The following ASTN2 variants were observed in gnomAD, a reference collection of about 807,000 sequenced individuals.
ASTN2 encodes astrotactin 2.
A neutral mutation model predicts 139.8 loss-of-function variants in ASTN2; 54 were observed. That is an observed-to-expected ratio of 0.39 (90% CI 0.31 to 0.48). The LOEUF is 0.48. Ranked by LOEUF, ASTN2 falls within the 20% of genes least tolerant of loss-of-function variation. The pLI is 0.95. For synonymous variants in ASTN2, 756 were observed against 719.5 expected (o/e 1.05, Z -0.81); for missense variants, 1,565 against 1,725.1 (o/e 0.91, Z 1.64).
chr9:116,857,182 T>G (rs1362723811), intron 11 of ASTN2, among the ~76,000 whole-genome samples: 2 of 152,226 alleles, frequency 1.3e-5, no homozygotes, highest in African/African-American at 4.8e-5. Flanking sequence ...TATGGATAGT[T>G]GCTTTTATAT....
intron 3 of ASTN2, chr9:117,181,200 G>C: frequency 1.6e-6 from 1 of 637,742 alleles, no homozygotes; most frequent in Non-Finnish European, 2.8e-6. Context: ...ATTGGCTGCA[G>C]ATGATCTGGA....
intron 2 of ASTN2, among the ~76,000 whole-genome samples, chr9:117,225,596 G>C (rs78484794): frequency 0.11 from 12,389 of 117,048 alleles, 1,238 homozygotes; most frequent in African/African-American, 0.24. Flanking sequence ...CAAGTGGCCA[G>C]AGAGGAGCTT....
intron 16 of ASTN2, among the ~76,000 whole-genome samples, chr9:116,705,918 C>G (rs1170826989): frequency 6.6e-6 from 1 of 152,036 alleles, no homozygotes; most frequent in African/African-American, 2.4e-5. Context: ...AAAACCACCC[C>G]AGAATGAGGG....
intron 11 of ASTN2, 63 bp downstream of exon 11, chr9:116,863,520 G>A (rs1832945855): frequency 6.3e-7 from 1 of 1,581,020 alleles, no homozygotes; most frequent in Non-Finnish European, 8.6e-7. Flanking sequence ...GCAGGGCAGG[G>A]CTTCTAGCAG....
In ASTN2 at chr9:116,749,432, C is replaced by T. The variant is rs188302063; in HGVS notation, c.2397-15909G>A. Among the ~76,000 whole-genome samples the T allele has an allele frequency of 1.4e-3, 208 of 151,948 alleles. 2 individuals are homozygous for T. The highest frequency in any genetic ancestry group is 4.9e-3 in the African/African-American group (202 of 41,512). ...CACTAATTTGGGGTTATTTTCTTTA[C>T]GTCATGGGAATCCTTCCCGCCCGCC... On this transcript the variant is annotated intron_variant, in intron 13 of 22. Coordinates refer to ENST00000313400, the MANE Select transcript of ASTN2 (RefSeq NM_001365068.1).
At chr9:117,279,167 A>C (rs1427427804) in intron 2 of ASTN2, among the ~76,000 whole-genome samples, 1 of 152,196 alleles carries the variant, frequency 6.6e-6, no homozygotes, top group Non-Finnish European at 1.5e-5. Flanking sequence ...AATATCTCAT[A>C]GTCTCGTAAT....
intron 20 of ASTN2, among the ~76,000 whole-genome samples, chr9:116,465,943 T>A (rs1221344441): frequency 6.7e-6 from 1 of 148,484 alleles, no homozygotes; most frequent in Non-Finnish European, 1.5e-5. Context: ...TGACACGTGG[T>A]GGCTTATTGT....
intron 10 of ASTN2, among the ~76,000 whole-genome samples, chr9:116,960,891 C>G (rs1475207264): frequency 6.6e-6 from 1 of 152,178 alleles, no homozygotes; most frequent in South Asian, 2.1e-4. Flanking sequence ...CCCCCAGAAC[C>G]TGTGAAGTCC....
rs143839165 is a variant in ASTN2, at chr9:116,696,776, T to C, written c.2806+28995A>G. 6.6e-3 allele frequency among the ~76,000 whole-genome samples: 999 copies of C among 152,260 alleles called. 10 individuals are homozygous for C. Among genetic ancestry groups the C allele is most frequent in the African/African-American group, 0.023 (943 of 41,536 alleles). Reference sequence around the variant, plus strand: ...CTCTTGTATCTAGTACAGAACAAGATACCTAAACTTAGATGGGTGGATAGG... The same window carrying C: ...CTCTTGTATCTAGTACAGAACAAGACACCTAAACTTAGATGGGTGGATAGG... On this transcript the variant is annotated intron_variant, in intron 16 of 22. Transcript: ENST00000313400.
At chr9:116,843,180 G>A (rs1342880079) in intron 11 of ASTN2, among the ~76,000 whole-genome samples, 1 of 152,122 alleles carries the variant, frequency 6.6e-6, no homozygotes, top group African/African-American at 2.4e-5. Context: ...CAAAGACATG[G>A]ACTCAACCTG....
chr9:117,160,683 A>C (rs978471065), intron 3 of ASTN2, among the ~76,000 whole-genome samples: 8 of 152,196 alleles, frequency 5.3e-5, no homozygotes, highest in African/African-American at 1.4e-4. Context: ...TACCTAAAAC[A>C]CTGACTAGAA....
At chr9:116,988,308 G>T (rs940909281) in intron 7 of ASTN2, among the ~76,000 whole-genome samples, 11 of 152,076 alleles carry the variant, frequency 7.2e-5, no homozygotes, top group African/African-American at 2.7e-4. Context: ...AGTTAATCAT[G>T]CCCACTCTTC....
At chr9:117,227,865 C>T (rs906318959) in intron 2 of ASTN2, among the ~76,000 whole-genome samples, 4 of 152,146 alleles carry the variant, frequency 2.6e-5, no homozygotes, top group Non-Finnish European at 5.9e-5. Flanking sequence ...AAAGGGATGT[C>T]AGATGCAACT....
At chr9:116,744,348 G>T (rs953107296) in intron 13 of ASTN2, among the ~76,000 whole-genome samples, 3 of 152,136 alleles carry the variant, frequency 2.0e-5, no homozygotes, top group Non-Finnish European at 2.9e-5. Context: ...GCTACAGAAG[G>T]TGGGCTTCAT....
intron 2 of ASTN2, among the ~76,000 whole-genome samples, chr9:117,245,832 T>C (rs774052833): frequency 1.3e-5 from 2 of 152,160 alleles, no homozygotes; most frequent in Non-Finnish European, 2.9e-5. Context: ...CTCTGCTCTT[T>C]AGGTCCTATT....
At chr9:116,562,733 TA>T (rs35878476) in intron 19 of ASTN2, among the ~76,000 whole-genome samples, 39,967 of 64,364 alleles carry the variant, frequency 0.62, 11,725 homozygotes, top group East Asian at 0.73. Context: ...ACTGCCTCAT[TA>T]AAAAAAAAAA....
intron 5 of ASTN2, among the ~76,000 whole-genome samples, chr9:117,043,382 C>T (rs1028520804): frequency 6.6e-6 from 1 of 152,160 alleles, no homozygotes; most frequent in Non-Finnish European, 1.5e-5. Flanking sequence ...GAAGGCATAT[C>T]TCATTCCTGG....
chr9:117,266,423 G>A (rs1411943057), intron 2 of ASTN2, among the ~76,000 whole-genome samples: 1 of 152,050 alleles, frequency 6.6e-6, no homozygotes, highest in Non-Finnish European at 1.5e-5. Flanking sequence ...AAAAAAATTG[G>A]CAAGTTAGGT....
At chr9:116,538,107 C>T (rs1389092463) in intron 19 of ASTN2, among the ~76,000 whole-genome samples, 1 of 152,026 alleles carries the variant, frequency 6.6e-6, no homozygotes, top group African/African-American at 2.4e-5. Flanking sequence ...GCTTAGGCTG[C>T]CTGTAGCTCA....
Sources: allele counts gnomAD v4.1 joint callset (sites outside exome capture counted in the v4.1 genomes callset), GRCh38; gene constraint gnomAD v4.1.1; transcripts MANE v1.5; gene names NCBI Gene and HGNC (gene_info 2026-07-23, HGNC 2026-07-21).